Variants in ASCC3 observed in about 807,000 individuals in gnomAD.
ASCC3 encodes ASC-1 complex subunit P200.
A neutral mutation model predicts 256.3 loss-of-function variants in ASCC3; 158 were observed. That is an observed-to-expected ratio of 0.62 (90% confidence interval 0.54 to 0.70). ASCC3 has a LOEUF of 0.70. ASCC3 is among the 30% of genes least tolerant of loss of function. The probability of loss-of-function intolerance (pLI) is 0.00; values close to 1 mark genes in which losing one functional copy is unlikely to be tolerated. For missense variants in ASCC3, 2,259 were observed against 2,626.0 expected, an observed-to-expected ratio of 0.86 and a Z score of 3.05; for synonymous variants, 948 against 883.4, an observed-to-expected ratio of 1.07 and a Z score of -1.30.
intron 10 of ASCC3, among the ~76,000 whole-genome samples, chr6:100,759,820 C>G (rs1781347864): frequency 6.6e-6 from 1 of 152,150 alleles, no homozygotes; most frequent in South Asian, 2.1e-4. Flanking sequence ...TTTGTGTCCT[C>G]TCTTATTTCC....
At chr6:100,581,334 G>C (rs1022061275) in intron 36 of ASCC3, among the ~76,000 whole-genome samples, 2 of 152,112 alleles carry the variant, frequency 1.3e-5, no homozygotes, top group Non-Finnish European at 2.9e-5. Context: ...GATGGCCAGT[G>C]ATGGTGAGCA....
chr6:100,809,427 A>G (rs1301799262), intron 4 of ASCC3, among the ~76,000 whole-genome samples: 3 of 152,088 alleles, frequency 2.0e-5, no homozygotes, highest in Admixed American at 6.6e-5. Flanking sequence ...GCTTAGGCCT[A>G]CATAAAGTCA....
intron 10 of ASCC3, among the ~76,000 whole-genome samples, chr6:100,758,642 T>G (rs1475173551): frequency 6.6e-6 from 1 of 152,208 alleles, no homozygotes; most frequent in African/African-American, 2.4e-5. Flanking sequence ...CTACCATTGT[T>G]GGCATTTGGG....
At position 100,547,167 on chromosome 6, in the gene ASCC3, C is replaced by T. The variant is rs1204973229; in HGVS notation, c.5551-6780G>A. Among the ~76,000 whole-genome samples the T allele has an allele frequency of 3.3e-5, 5 of 151,998 alleles. No homozygotes were observed. The East Asian group carries it at 9.6e-4, about 29-fold the overall frequency. On this transcript the variant is annotated intron_variant, in intron 36 of 41. Transcript: ENST00000369162. ...AAGTGGTAGTAGAATAACTGGGTAT[C>T]CATATGGCAAAAAAGAATCAACTTC...
chr6:100,561,663 A>G (rs2114705895), intron 36 of ASCC3, among the ~76,000 whole-genome samples: 1 of 152,234 alleles, frequency 6.6e-6, no homozygotes, highest in East Asian at 1.9e-4. Flanking sequence ...GTTCCAGGTC[A>G]CAACACTTTC....
At chr6:100,737,149 T>TA (rs10706135) in intron 10 of ASCC3, among the ~76,000 whole-genome samples, 45 of 142,926 alleles carry the variant, frequency 3.1e-4, no homozygotes, top group African/African-American at 1.2e-3. Context: ...TCCGTCTATT[T>TA]AAAAAAAAAA....
intron 10 of ASCC3, among the ~76,000 whole-genome samples, chr6:100,734,305 C>T (rs925977022): frequency 5.9e-5 from 9 of 152,114 alleles, no homozygotes; most frequent in Admixed American, 3.3e-4. Context: ...TTAAATATAA[C>T]TAATTTATTA....
intron 36 of ASCC3, among the ~76,000 whole-genome samples, chr6:100,584,211 T>C (rs1237466777): frequency 2.0e-5 from 3 of 151,270 alleles, no homozygotes; most frequent in Non-Finnish European, 2.9e-5. Flanking sequence ...ATTATTAATG[T>C]GTGGGAGTCT....
chr6:100,771,349 C>A (rs1461131853), intron 8 of ASCC3, among the ~76,000 whole-genome samples: 1 of 152,048 alleles, frequency 6.6e-6, no homozygotes, highest in Non-Finnish European at 1.5e-5. Context: ...GGAAGAAATT[C>A]TTTGTGAATG....
intron 8 of ASCC3, among the ~76,000 whole-genome samples, chr6:100,775,850 A>T (rs959372185): frequency 2.6e-5 from 3 of 116,290 alleles, no homozygotes; most frequent in East Asian, 1.3e-3. Flanking sequence ...GACAGCAGTT[A>T]AAAAAAAAAT....
chr6:100,617,086 T>C (rs920844190), intron 30 of ASCC3, among the ~76,000 whole-genome samples: 1 of 151,870 alleles, frequency 6.6e-6, no homozygotes, highest in Non-Finnish European at 1.5e-5. Context: ...CTCACTGCAA[T>C]CTCTGCCTCC....
intron 16 of ASCC3, among the ~76,000 whole-genome samples, chr6:100,656,664 T>C (rs1775929678): frequency 6.6e-6 from 1 of 151,540 alleles, no homozygotes; most frequent in Admixed American, 6.6e-5. Context: ...ATAAGAGCTG[T>C]ATAACAAAGA....
chr6:100,544,241 T>C (rs189148559), intron 36 of ASCC3, among the ~76,000 whole-genome samples: 29 of 152,208 alleles, frequency 1.9e-4, no homozygotes, highest in Admixed American at 1.8e-3. Context: ...TCAGTGACTT[T>C]TGTGTCCACC....
At chr6:100,789,417 G>A (rs1769244174) in intron 8 of ASCC3, among the ~76,000 whole-genome samples, 1 of 151,938 alleles carries the variant, frequency 6.6e-6, no homozygotes, top group Non-Finnish European at 1.5e-5. Context: ...CAGGTTAGGG[G>A]CTGCTGGTCA....
intron 36 of ASCC3, among the ~76,000 whole-genome samples, chr6:100,560,757 A>T (rs1416382425): frequency 7.1e-6 from 1 of 141,166 alleles, no homozygotes; most frequent in Non-Finnish European, 1.5e-5. Flanking sequence ...GAACACACAC[A>T]CACACACACA....
At position 100,596,983 on chromosome 6, in the gene ASCC3, T is replaced by C. The variant is rs190963551; in HGVS notation, c.5303+4827A>G. On this transcript the variant is annotated intron_variant, in intron 34 of 41. Coordinates refer to ENST00000369162, the MANE Select transcript of ASCC3 (RefSeq NM_006828.4). ...AGCGACATCTTTTCCTTGTTGTTCC[T>C]TGAATACACCAGGCATGCCAGCCTT... is the stretch of plus-strand genomic sequence containing the variant. Among the ~76,000 whole-genome samples, 236 of 152,336 alleles carry C rather than the reference T, an allele frequency of 1.5e-3. 1 individual carries two copies. The highest frequency in any genetic ancestry group is 5.2e-3 in the African/African-American group (216 of 41,572).
chr6:100,877,627 T>A (rs193275934), intron 1 of ASCC3, among the ~76,000 whole-genome samples: 274 of 152,270 alleles, frequency 1.8e-3, no homozygotes, highest in Admixed American at 3.5e-3. Context: ...CATCAATTGG[T>A]TCATACAGCA....
chr6:100,702,593 T>G (rs1778403943), intron 13 of ASCC3, among the ~76,000 whole-genome samples: 1 of 151,994 alleles, frequency 6.6e-6, no homozygotes, highest in Non-Finnish European at 1.5e-5. Context: ...GAGAGCTAAA[T>G]TTATAAAGGG....
intron 13 of ASCC3, among the ~76,000 whole-genome samples, chr6:100,692,307 T>A (rs1416560766): frequency 1.3e-5 from 2 of 152,224 alleles, no homozygotes; most frequent in African/African-American, 4.8e-5. Context: ...CTATGTACTT[T>A]ATACTTCTTC....
Sources: allele counts gnomAD v4.1 joint callset (sites outside exome capture counted in the v4.1 genomes callset), GRCh38; gene constraint gnomAD v4.1.1; transcripts MANE v1.5; gene names NCBI Gene and HGNC (gene_info 2026-07-23, HGNC 2026-07-21).